Variants in SPATA22 observed in about 807,000 individuals in gnomAD.
SPATA22 encodes the protein spermatogenesis associated 22, also known as spermatogenesis-associated protein 22.
Under a neutral mutation model 47.8 loss-of-function variants are expected in SPATA22, and 29 were observed. The ratio of observed to expected loss-of-function variants is 0.61; its 90% CI spans 0.45 to 0.83. The LOEUF is 0.83. Among genes scored for constraint, SPATA22 ranks in the 40% least tolerant of loss-of-function variants. The pLI is 0.00. For synonymous variants in SPATA22, 133 were observed against 140.9 expected, an observed-to-expected ratio of 0.94 and a Z score of 0.40; for missense variants, 410 against 421.7, an observed-to-expected ratio of 0.97 and a Z score of 0.24.
chr17:3,503,432 G>C (rs1408452697), intron 1 of SPATA22: 1 of 152,106 alleles, frequency 6.6e-6, no homozygotes, highest in Admixed American at 6.5e-5. Flanking sequence ...TGATTTATCA[G>C]CTTTTGTACA....
rs2073442339 is a variant in SPATA22, at chr17:3,471,755, C to T, written c.-147G>A. 1 of 985,722 alleles carries T rather than the reference C, an allele frequency of 1.0e-6. No homozygotes were observed. Among genetic ancestry groups the T allele is most frequent in the Non-Finnish European group, 1.2e-6 (1 of 830,156 alleles). The allele number at this position is 985,722 out of a possible 1,614,324, so 61.1% of individuals were successfully genotyped here. Reference sequence around the variant, plus strand: ...CCTCAGTTTCCCTCGCCTCCGTCAACCGTCGTCCAGGCGGCCCCGTCAGCA... The same window carrying T: ...CCTCAGTTTCCCTCGCCTCCGTCAATCGTCGTCCAGGCGGCCCCGTCAGCA... On this transcript the variant is annotated 5_prime_UTR_variant, in exon 1 of 9. Coordinates refer to ENST00000572969, the MANE Select transcript of SPATA22 (RefSeq NM_001170698.2).
chr17:3,491,877 C>CTTTTTTTTT (rs540965896), intron 1 of SPATA22, among the ~76,000 whole-genome samples: 3 of 123,044 alleles, frequency 2.4e-5, no homozygotes, highest in Non-Finnish European at 4.9e-5. Context: ...CTTTTGTTTT[C>CTTTTTTTTT]TTTTTTTTTT....
At chr17:3,502,148 C>T (rs1567621902) in intron 1 of SPATA22, 1 of 152,238 alleles carries the variant, frequency 6.6e-6, no homozygotes, top group Non-Finnish European at 1.5e-5. Flanking sequence ...ATCATCAAGG[C>T]AAGGCCCTCC....
upstream of SPATA22, chr17:3,474,043 G>A (rs1380725252): frequency 6.6e-6 from 1 of 152,158 alleles, no homozygotes; most frequent in Non-Finnish European, 1.5e-5. Flanking sequence ...GAAACAGGGA[G>A]TTAAAAATCT....
chr17:3,471,340 T>C, intron 1 of SPATA22: 1 of 800,632 alleles, frequency 1.2e-6, no homozygotes, highest in Middle Eastern at 6.4e-4. Flanking sequence ...TTTCTCAGGA[T>C]CAAACAAACA....
At chr17:3,470,188 G>A (rs79917371) in intron 1 of SPATA22, among the ~76,000 whole-genome samples, 1 of 149,288 alleles carries the variant, frequency 6.7e-6, no homozygotes, top group African/African-American at 2.5e-5. Flanking sequence ...ACTTCAACAA[G>A]TGAAACAAGT....
intron 5 of SPATA22, among the ~76,000 whole-genome samples, chr17:3,460,370 A>C (rs2073098711): frequency 6.6e-6 from 1 of 152,192 alleles, no homozygotes; most frequent in Non-Finnish European, 1.5e-5. Context: ...TTCTAGAATT[A>C]TTCTATTATT....
chr17:3,476,922 G>T (rs1243046234), intron 1 of SPATA22, among the ~76,000 whole-genome samples: 1 of 152,166 alleles, frequency 6.6e-6, no homozygotes, highest in East Asian at 1.9e-4. Flanking sequence ...TTGGGAGGCC[G>T]AGGCAGGCGG....
intron 1 of SPATA22, chr17:3,494,533 C>T: frequency 8.0e-7 from 1 of 1,254,310 alleles, no homozygotes; most frequent in South Asian, 1.2e-5. Context: ...ATAGCTCATA[C>T]AGCACTTCGC....
At chr17:3,509,105 T>C (rs563790440) in intron 1 of SPATA22, among the ~76,000 whole-genome samples, 1 of 152,160 alleles carries the variant, frequency 6.6e-6, no homozygotes, top group East Asian at 1.9e-4. Flanking sequence ...GATTTATACC[T>C]TCTGTTCTCC....
chr17:3,450,262 G>A (rs1217633496), intron 5 of SPATA22, among the ~76,000 whole-genome samples: 1 of 152,102 alleles, frequency 6.6e-6, no homozygotes, highest in East Asian at 1.9e-4. Flanking sequence ...AAGAGGTCTA[G>A]GTACACTGCT....
intron 1 of SPATA22, among the ~76,000 whole-genome samples, chr17:3,504,429 C>T (rs760031465): frequency 2.0e-5 from 3 of 152,032 alleles, no homozygotes; most frequent in East Asian, 1.9e-4. Context: ...GTCCCCATCA[C>T]TCCCAAGTGA....
chr17:3,489,891 T>C (rs1358615724), intron 1 of SPATA22, among the ~76,000 whole-genome samples: 1 of 152,180 alleles, frequency 6.6e-6, no homozygotes, highest in African/African-American at 2.4e-5. Flanking sequence ...CAACATGTTG[T>C]TTACAAAGAT....
At chr17:3,470,329 C>T (rs999059316) in intron 1 of SPATA22, among the ~76,000 whole-genome samples, 15 of 152,084 alleles carry the variant, frequency 9.9e-5, no homozygotes, top group Non-Finnish European at 2.1e-4. Flanking sequence ...AGATACAAAC[C>T]CAAACCAGGT....
At chr17:3,465,618 A>C (rs1382313387) in intron 3 of SPATA22, among the ~76,000 whole-genome samples, 1 of 150,930 alleles carries the variant, frequency 6.6e-6, no homozygotes, top group Non-Finnish European at 1.5e-5. Flanking sequence ...CCCTAATCTC[A>C]AGTACCCAGG....
chr17:3,481,739 A>C (rs1567611105), intron 1 of SPATA22: 3 of 1,613,508 alleles, frequency 1.9e-6, no homozygotes, highest in East Asian at 2.2e-5. Flanking sequence ...CATGGGGTGC[A>C]CTCTTATTCT....
At chr17:3,476,099 A>G (rs1343356842), upstream of SPATA22, 3 of 1,499,534 alleles carry the variant, frequency 2.0e-6, no homozygotes, top group Non-Finnish European at 2.8e-6. Flanking sequence ...TCTTAAGAAA[A>G]TCGAATTTCC....
At chr17:3,443,952 C>T (rs1044467204) in intron 7 of SPATA22, among the ~76,000 whole-genome samples, 1 of 151,884 alleles carries the variant, frequency 6.6e-6, no homozygotes, top group African/African-American at 2.4e-5. Context: ...CTATAGACCT[C>T]CTCTGTGCAT....
chr17:3,501,452 T>G (rs1275424559), intron 1 of SPATA22: 1 of 152,418 alleles, frequency 6.6e-6, no homozygotes, highest in Non-Finnish European at 1.5e-5. Context: ...AGCCTGAAGA[T>G]GTAACTGAAC....
Sources: allele counts gnomAD v4.1 joint callset (sites outside exome capture counted in the v4.1 genomes callset), GRCh38; gene constraint gnomAD v4.1.1; transcripts MANE v1.5; gene names NCBI Gene and HGNC (gene_info 2026-07-23, HGNC 2026-07-21).